The following APLP2 variants were observed in gnomAD, a reference collection of about 807,000 sequenced individuals.
APLP2 encodes the protein CDEI box-binding protein.
In APLP2, 53 loss-of-function variants were observed where a neutral mutation model predicts 89.9. That is an observed-to-expected ratio of 0.59 (90% CI 0.47 to 0.74). The LOEUF is 0.74. Among genes scored for constraint, APLP2 ranks in the 30% least tolerant of loss-of-function variants. The pLI is 0.00. For synonymous variants in APLP2, 372 were observed against 348.6 expected (o/e 1.07, Z -0.75); for missense variants, 973 against 975.9 (o/e 1.00, Z 0.04).
chr11:130,121,708 C>T lies in APLP2; in HGVS notation c.611C>T (p.Pro204Leu), dbSNP rs1185414897. The T allele has an allele frequency of 4.3e-6, 7 of 1,613,906 alleles. No homozygotes were observed. Among genetic ancestry groups the T allele is most frequent in the Non-Finnish European group, 4.2e-6 (5 of 1,180,012 alleles). Residue 204 changes from proline (P) to leucine (L), a missense_variant, in exon 5 of 17, where the codon CCT becomes CTT. By Grantham distance (98) the Pro-to-Leu change is moderately conservative. Coordinates refer to ENST00000338167, the MANE Select transcript of APLP2 (RefSeq NM_001142276.2). The stretch of plus-strand genomic sequence containing the variant: ...CATGGCACTGAATATGTGTGCTGCC[C>T]TCAGACAAAGATTATTGGATCTGTG... ...QFHGTEYVCC[P>L]QTKIIGSVSK...
Position 130,109,510 on chromosome 11 carries a change from G to A in APLP2, c.187G>A (p.Val63Met), listed in dbSNP as rs1367860042. ...AMFCGKLNMH[V>M]NIQTGKWEPD... The stretch of plus-strand genomic sequence containing the variant: ...GTTTTGTGGGAAGTTAAATATGCAT[G>A]TGAACATTCAGACTGGGAAATGGGA... The change falls in exon 2 of 17, where the codon GTG becomes ATG. Residue 63 changes from valine (V) to methionine (M), a missense_variant. Physicochemically the swap from Val to Met is conservative, Grantham distance 21 (BLOSUM62 1). Coordinates refer to ENST00000338167, the MANE Select transcript of APLP2 (RefSeq NM_001142276.2). The A allele has an allele frequency of 6.2e-7, 1 of 1,613,998 alleles. No individual in the cohort carries two copies. Among genetic ancestry groups the A allele is most frequent in the Non-Finnish European group, 8.5e-7 (1 of 1,179,926 alleles).
In APLP2 at chr11:130,129,031, C is replaced by T. The variant is rs369665906; in HGVS notation, c.1297-17C>T. ...GGGTGCCACAAATCATGTGTGGTTC[C>T]TGCTTTCTTGGTTTAGCACTTCCAA... On this transcript the variant is annotated splice_polypyrimidine_tract_variant and intron_variant, in intron 9 of 16. Transcript: ENST00000338167. 8.7e-6 allele frequency: 14 copies of T among 1,607,574 alleles called. No individual in the cohort carries two copies. In the African/African-American group the frequency reaches 1.9e-4, roughly 21 times the overall value.
At position 130,133,513 on chromosome 11, in the gene APLP2, G is replaced by C. The variant is rs878981398; in HGVS notation, c.1585-116G>C. 13 of 720,580 alleles carry C rather than the reference G, an allele frequency of 1.8e-5. No individual in the cohort carries two copies. In the South Asian group the frequency reaches 2.1e-4, roughly 11 times the overall value. The allele number at this position is 720,580 out of a possible 1,614,324, so 44.6% of individuals were successfully genotyped here. On this transcript the variant is annotated intron_variant, in intron 11 of 16. Transcript: ENST00000338167. ...CAGTTGCTTTGCTAGACTCTGTAGA[G>C]AATATGCTTTGTAAAGTGGTTTTTC...
intron 1 of APLP2, among the ~76,000 whole-genome samples, chr11:130,104,100 G>A (rs1565571963): frequency 6.6e-6 from 1 of 151,716 alleles, no homozygotes; most frequent in Non-Finnish European, 1.5e-5. Context: ...ATATCCCTGG[G>A]GTTTCCTTAC....
At chr11:130,107,341 T>C (rs1396239000) in intron 1 of APLP2, among the ~76,000 whole-genome samples, 1 of 152,170 alleles carries the variant, frequency 6.6e-6, no homozygotes, top group Non-Finnish European at 1.5e-5. Flanking sequence ...CAGATGGGGA[T>C]TGAGGGTTAG....
At chr11:130,070,236 T>A (rs1470188444) in intron 1 of APLP2, among the ~76,000 whole-genome samples, 154 bp downstream of exon 1, 1 of 150,350 alleles carries the variant, frequency 6.7e-6, no homozygotes, top group African/African-American at 2.4e-5. Flanking sequence ...CCCCCGCCCG[T>A]CCCTGCTTGG....
intron 1 of APLP2, among the ~76,000 whole-genome samples, chr11:130,106,931 C>G (rs1947865921): frequency 6.6e-6 from 1 of 152,182 alleles, no homozygotes; most frequent in Non-Finnish European, 1.5e-5. Flanking sequence ...TCGTGATCTG[C>G]CTGCCTTGGC....
chr11:130,082,860 A>T (rs1266720011), intron 1 of APLP2: 1 of 155,676 alleles, frequency 6.4e-6, no homozygotes, highest in Non-Finnish European at 1.4e-5. Context: ...AATCTAGGTT[A>T]TCTGTTTTCT....
chr11:130,135,789 G>C, intron 13 of APLP2, 74 bp downstream of exon 13: 1 of 1,569,888 alleles, frequency 6.4e-7, no homozygotes, highest in East Asian at 2.3e-5. Flanking sequence ...TCAGTTTTTC[G>C]AAAACCAAAT....
At chr11:130,088,050 C>A (rs980562031) in intron 1 of APLP2, among the ~76,000 whole-genome samples, 4 of 152,198 alleles carry the variant, frequency 2.6e-5, no homozygotes, top group African/African-American at 9.7e-5. Flanking sequence ...ACAGTTTTTA[C>A]ATGTAGTTTT....
At chr11:130,107,283 C>T (rs951866398) in intron 1 of APLP2, among the ~76,000 whole-genome samples, 20 of 152,170 alleles carry the variant, frequency 1.3e-4, no homozygotes, top group Admixed American at 1.1e-3. Context: ...TTAGCTTTTA[C>T]GAGGACAGAC....
At chr11:130,091,651 T>C (rs1945247965) in intron 1 of APLP2, among the ~76,000 whole-genome samples, 4 of 112,292 alleles carry the variant, frequency 3.6e-5, no homozygotes. Context: ...GGCTCCTCAC[T>C]TCCCAGTAGG....
At chr11:130,108,756 C>G (rs1204802146) in intron 1 of APLP2, 1 of 152,210 alleles carries the variant, frequency 6.6e-6, no homozygotes, top group South Asian at 2.1e-4. Flanking sequence ...CACATGCACA[C>G]ATATGTTCAT....
intron 1 of APLP2, among the ~76,000 whole-genome samples, chr11:130,091,354 G>A (rs1420250281): frequency 2.0e-5 from 3 of 146,746 alleles, no homozygotes; most frequent in African/African-American, 7.9e-5. Flanking sequence ...GGGGCGGCTG[G>A]CCGGGCGGGG....
chr11:130,091,484 G>A (rs1422683086), intron 1 of APLP2, among the ~76,000 whole-genome samples: 81 of 125,230 alleles, frequency 6.5e-4, no homozygotes, highest in African/African-American at 1.1e-3. Flanking sequence ...GCGGCTGGCC[G>A]GGCGGAGGGC....
At position 130,109,562 on chromosome 11, in the gene APLP2, G is replaced by T; in HGVS notation, c.239G>T (p.Cys80Phe). The T allele has an allele frequency of 6.2e-7, 1 of 1,613,482 alleles. No individual in the cohort carries two copies. The highest frequency in any genetic ancestry group is 8.5e-7 in the Non-Finnish European group (1 of 1,179,720). The change falls in exon 2 of 17, where the codon TGC becomes TTC. Residue 80 changes from cysteine to phenylalanine, a missense_variant. Physicochemically the swap from Cys to Phe is radical, Grantham distance 205. Transcript: ENST00000338167. ...WEPDPTGTKS[C>F]FETKEEVLQY... ...CCTGATCCAACAGGCACCAAGAGCT[G>T]CTTTGAAACAAAAGAAGAAGTTCTT...
At chr11:130,140,310 G>A (rs1001266739) in intron 13 of APLP2, 88 bp from the exon 14 acceptor site, 19 of 973,640 alleles carry the variant, frequency 2.0e-5, no homozygotes, top group Non-Finnish European at 2.8e-5. Flanking sequence ...GGGGCTCACT[G>A]GCCCTCAGGA....
At chr11:130,117,972 G>A (rs1054231676) in intron 3 of APLP2, among the ~76,000 whole-genome samples, 3 of 151,850 alleles carry the variant, frequency 2.0e-5, no homozygotes, top group African/African-American at 7.3e-5. Flanking sequence ...AGCTACTTGG[G>A]AGGCTGAGGC....
rs1371902943 is a variant in APLP2, at chr11:130,144,696, T to G, written c.*1248T>G. ...TCCTTTTTCCTCCCCTTTGACCCTA[T>G]TCATGTCTCTACCCACTATGCACAG... On this transcript the variant is annotated 3_prime_UTR_variant, in exon 17 of 17. Coordinates refer to ENST00000338167, the MANE Select transcript of APLP2 (RefSeq NM_001142276.2). The G allele has an allele frequency of 2.0e-5, 3 of 152,628 alleles. No homozygotes were observed. The highest frequency in any genetic ancestry group is 4.4e-5 in the Non-Finnish European group (3 of 68,076). 9.5% of individuals were successfully genotyped at this position (152,628 alleles called of 1,614,324 possible).
Sources: gnomAD v4.1 joint callset for allele counts (sites outside exome capture counted in the v4.1 genomes callset) on GRCh38, gnomAD v4.1.1 for gene constraint, MANE v1.5 for transcripts, NCBI Gene and HGNC (gene_info 2026-07-23, HGNC 2026-07-21) for gene names.